The following ASIC2 variants were observed in gnomAD, a reference collection of about 807,000 sequenced individuals.
ASIC2 encodes acid-sensing ion channel 2.
ASIC2 carries 25 observed loss-of-function variants against 57.3 expected under a neutral mutation model. The observed-to-expected ratio is 0.44, with a 90% CI of 0.32 to 0.61. The LOEUF is 0.61. ASIC2 is among the 20% of genes least tolerant of loss of function. ASIC2 has a pLI of 0.06. For synonymous variants in ASIC2, 319 were observed against 307.5 expected, an observed-to-expected ratio of 1.04 and a Z score of -0.39; for missense variants, 641 against 738.1, an observed-to-expected ratio of 0.87 and a Z score of 1.52.
intron 1 of ASIC2, among the ~76,000 whole-genome samples, chr17:33,880,472 T>C (rs1198917590): frequency 6.6e-6 from 1 of 152,072 alleles, no homozygotes. Flanking sequence ...GAGAATACTA[T>C]AAACACCTCT....
intron 1 of ASIC2, chr17:33,984,215 C>A (rs1030407863): frequency 6.6e-6 from 1 of 152,210 alleles, no homozygotes; most frequent in African/African-American, 2.4e-5. Context: ...CCTGCAGATG[C>A]TGGCTCTTTC....
chr17:33,669,018 C>A (rs2142050043), intron 1 of ASIC2, among the ~76,000 whole-genome samples: 1 of 152,346 alleles, frequency 6.6e-6, no homozygotes, highest in Non-Finnish European at 1.5e-5. Flanking sequence ...GAGGAAGTAG[C>A]CCATGCAAGT....
chr17:33,579,797 G>A (rs910328940), intron 1 of ASIC2, among the ~76,000 whole-genome samples: 9 of 152,124 alleles, frequency 5.9e-5, no homozygotes, highest in Admixed American at 2.6e-4. Context: ...ACCACACCGT[G>A]AAAAACACCC....
chr17:33,929,994 C>A (rs534380646), intron 1 of ASIC2, among the ~76,000 whole-genome samples: 4 of 152,344 alleles, frequency 2.6e-5, no homozygotes, highest in Non-Finnish European at 2.9e-5. Context: ...ACTCTCAAAC[C>A]AGCACAGCAG....
intron 1 of ASIC2, among the ~76,000 whole-genome samples, chr17:34,140,182 C>G (rs1347732705): frequency 6.6e-6 from 1 of 152,102 alleles, no homozygotes; most frequent in Non-Finnish European, 1.5e-5. Flanking sequence ...CCAAGCGGAA[C>G]AGAAGCCCAG....
chr17:34,123,034 C>A (rs553279894), intron 1 of ASIC2, among the ~76,000 whole-genome samples: 2 of 152,294 alleles, frequency 1.3e-5, no homozygotes, highest in Non-Finnish European at 2.9e-5. Flanking sequence ...CAGGCTCCAC[C>A]ACTCATTCCC....
intron 1 of ASIC2, among the ~76,000 whole-genome samples, chr17:33,240,406 G>A (rs1405353901): frequency 1.3e-5 from 2 of 152,152 alleles, no homozygotes; most frequent in Non-Finnish European, 2.9e-5. Context: ...AGACCCTCCA[G>A]CCAGTGGCTG....
chr17:33,872,382 T>C (rs1914439577), intron 1 of ASIC2, among the ~76,000 whole-genome samples: 1 of 152,098 alleles, frequency 6.6e-6, no homozygotes, highest in African/African-American at 2.4e-5. Flanking sequence ...CCAAGATGGA[T>C]AGATGGATTG....
At chr17:34,149,109 CTTTTCTT>C (rs1904412620) in intron 1 of ASIC2, among the ~76,000 whole-genome samples, 1 of 118,906 alleles carries the variant, frequency 8.4e-6, no homozygotes, top group Admixed American at 7.9e-5. Flanking sequence ...TCTTTTTTTT[CTTTTCTT>C]TTTTTTTTGA....
chr17:33,513,147 G>T (rs1914475955), intron 1 of ASIC2, among the ~76,000 whole-genome samples: 1 of 152,222 alleles, frequency 6.6e-6, no homozygotes, highest in South Asian at 2.1e-4. Flanking sequence ...ACTGCTGTAG[G>T]AAGAAGAGAA....
At chr17:33,566,142 G>A (rs2141987746) in intron 1 of ASIC2, among the ~76,000 whole-genome samples, 1 of 152,326 alleles carries the variant, frequency 6.6e-6, no homozygotes, top group East Asian at 1.9e-4. Context: ...CCTTTTGTCA[G>A]GAGGGCTTAT....
At chr17:33,396,144 A>C (rs1460712950) in intron 1 of ASIC2, among the ~76,000 whole-genome samples, 1 of 152,188 alleles carries the variant, frequency 6.6e-6, no homozygotes, top group Non-Finnish European at 1.5e-5. Context: ...ATTTAGTCTC[A>C]TTCCCTCATT....
intron 1 of ASIC2, among the ~76,000 whole-genome samples, chr17:33,659,139 T>C (rs1907169695): frequency 6.6e-6 from 1 of 152,210 alleles, no homozygotes; most frequent in African/African-American, 2.4e-5. Flanking sequence ...AGGGTCCTAG[T>C]GTGGACACCA....
intron 1 of ASIC2, among the ~76,000 whole-genome samples, chr17:33,363,787 A>G (rs1908702561): frequency 6.6e-6 from 1 of 152,120 alleles, no homozygotes; most frequent in Non-Finnish European, 1.5e-5. Context: ...CACACGTCAG[A>G]AGGTTTGCTT....
intron 1 of ASIC2, among the ~76,000 whole-genome samples, chr17:33,305,884 A>T (rs1160120495): frequency 6.6e-6 from 1 of 152,196 alleles, no homozygotes; most frequent in African/African-American, 2.4e-5. Flanking sequence ...CTCATTGGCC[A>T]ATTGTTTCAG....
intron 1 of ASIC2, among the ~76,000 whole-genome samples, chr17:33,586,779 C>T (rs985095371): frequency 1.3e-5 from 2 of 152,202 alleles, no homozygotes; most frequent in Admixed American, 6.5e-5. Flanking sequence ...CTCTGCTCGA[C>T]CTCAAAATTA....
chr17:33,977,680 C>T (rs1000801629), intron 1 of ASIC2, among the ~76,000 whole-genome samples: 7 of 152,158 alleles, frequency 4.6e-5, no homozygotes, highest in South Asian at 2.1e-4. Flanking sequence ...CATCCTATAC[C>T]GTTTACTTTC....
chr17:33,381,517 T>C (rs1306410039), intron 1 of ASIC2, among the ~76,000 whole-genome samples: 1 of 152,252 alleles, frequency 6.6e-6, no homozygotes, highest in African/African-American at 2.4e-5. Flanking sequence ...GGGAAAATGC[T>C]GGCCCTGGAG....
intron 1 of ASIC2, among the ~76,000 whole-genome samples, chr17:33,388,250 C>G (rs989195658): frequency 3.7e-4 from 56 of 152,242 alleles, no homozygotes; most frequent in African/African-American, 1.2e-3. Context: ...ATCGACTCTT[C>G]CCCAGAGCCT....
Sources: gnomAD v4.1 joint callset for allele counts (sites outside exome capture counted in the v4.1 genomes callset) on GRCh38, gnomAD v4.1.1 for gene constraint, MANE v1.5 for transcripts, NCBI Gene and HGNC (gene_info 2026-07-23, HGNC 2026-07-21) for gene names.